Variants in NKAIN2 observed in about 807,000 individuals in gnomAD.
The protein encoded by NKAIN2 is sodium/potassium-transporting ATPase subunit beta-1-interacting protein 2.
NKAIN2 carries 14 observed loss-of-function variants against 32.6 expected under a neutral mutation model. The observed-to-expected ratio is 0.43, with a 90% CI of 0.28 to 0.67. The LOEUF (loss-of-function observed/expected upper bound fraction) is 0.67. NKAIN2 is among the 30% of genes least tolerant of loss of function. NKAIN2 has a pLI of 0.17. For synonymous variants in NKAIN2, 80 were observed against 87.2 expected (o/e 0.92, Z 0.46); for missense variants, 198 against 258.3 (o/e 0.77, Z 1.60).
In NKAIN2 at chr6:124,357,848, C is replaced by G. The variant is rs1019360654; in HGVS notation, c.273+2501C>G. On this transcript the variant is annotated intron_variant, in intron 3 of 6. Coordinates refer to ENST00000368417, the MANE Select transcript of NKAIN2 (RefSeq NM_001040214.3). Reference sequence around the variant, plus strand: ...CGTGCAGGTTTGTTACATATGTATACATGTGCCATGTTGGTGTGCTGCACC... The same window carrying G: ...CGTGCAGGTTTGTTACATATGTATAGATGTGCCATGTTGGTGTGCTGCACC... Among the ~76,000 whole-genome samples the G allele has an allele frequency of 3.9e-5, 6 of 152,112 alleles. No homozygotes were observed. The South Asian group carries it at 1.2e-3, about 32-fold the overall frequency.
intron 3 of NKAIN2, among the ~76,000 whole-genome samples, chr6:124,373,159 A>G (rs991477353): frequency 2.0e-5 from 3 of 152,158 alleles, no homozygotes; most frequent in Admixed American, 1.3e-4. Flanking sequence ...CTAATGTCAT[A>G]TAAGATTACA....
At chr6:124,709,375 C>T (rs201518894) in intron 4 of NKAIN2, among the ~76,000 whole-genome samples, 1 of 150,860 alleles carries the variant, frequency 6.6e-6, no homozygotes, top group Non-Finnish European at 1.5e-5. Flanking sequence ...GGGAGGATTT[C>T]CTCTTTTTCT....
chr6:124,117,241 C>G (rs1785659707), intron 1 of NKAIN2, among the ~76,000 whole-genome samples: 1 of 152,118 alleles, frequency 6.6e-6, no homozygotes, highest in Non-Finnish European at 1.5e-5. Flanking sequence ...ATTGTATTTG[C>G]ATGCCATAGG....
intron 4 of NKAIN2, among the ~76,000 whole-genome samples, chr6:124,718,474 C>T (rs1486766166): frequency 2.0e-5 from 3 of 152,178 alleles, no homozygotes; most frequent in Admixed American, 2.0e-4. Flanking sequence ...CTTATCTGTT[C>T]ACCAGTTGAT....
chr6:124,197,218 A>C (rs1385195549), intron 1 of NKAIN2, among the ~76,000 whole-genome samples: 7 of 151,720 alleles, frequency 4.6e-5, no homozygotes, highest in Non-Finnish European at 1.0e-4. Context: ...TAAATTCATA[A>C]GTGTTTTGTC....
At chr6:124,216,833 T>A (rs1029845244) in intron 1 of NKAIN2, among the ~76,000 whole-genome samples, 2 of 152,198 alleles carry the variant, frequency 1.3e-5, no homozygotes, top group Non-Finnish European at 2.9e-5. Flanking sequence ...CACAGAAACC[T>A]AACCCTATAT....
At chr6:124,365,878 T>A (rs141421306) in intron 3 of NKAIN2, among the ~76,000 whole-genome samples, 1 of 152,112 alleles carries the variant, frequency 6.6e-6, no homozygotes, top group East Asian at 1.9e-4. Context: ...AATATACTTC[T>A]AAACCTATGG....
At chr6:124,463,743 C>T (rs941393260) in intron 3 of NKAIN2, among the ~76,000 whole-genome samples, 2 of 152,180 alleles carry the variant, frequency 1.3e-5, no homozygotes, top group East Asian at 1.9e-4. Context: ...CATGCCTGTA[C>T]AGGGCTATTA....
chr6:123,895,996 C>G (rs1774261022), intron 1 of NKAIN2, among the ~76,000 whole-genome samples: 1 of 152,194 alleles, frequency 6.6e-6, no homozygotes. Context: ...TTAGGCAAGT[C>G]AACTGTGTGT....
chr6:124,443,350 A>C (rs886726267), intron 3 of NKAIN2, among the ~76,000 whole-genome samples: 2 of 152,118 alleles, frequency 1.3e-5, no homozygotes, highest in Admixed American at 6.6e-5. Flanking sequence ...AGTTCCCTTC[A>C]GACTATATTT....
chr6:124,475,005 CTCA>C (rs1777143329), intron 3 of NKAIN2, among the ~76,000 whole-genome samples: 1 of 150,172 alleles, frequency 6.7e-6, no homozygotes, highest in African/African-American at 2.4e-5. Context: ...ATATAATTTT[CTCA>C]TGAGTAGATC....
In NKAIN2 at chr6:124,658,376, T is replaced by A; in HGVS notation, c.464T>A (p.Ile155Asn). 1 of 1,614,142 alleles carries A rather than the reference T, an allele frequency of 6.2e-7. No individual in the cohort carries two copies. The highest frequency in any genetic ancestry group is 8.5e-7 in the Non-Finnish European group (1 of 1,180,022). Residue 155 changes from isoleucine (I) to asparagine (N), a missense_variant, in exon 4 of 7, where the codon ATT becomes AAT. Ile to Asn is a moderately radical substitution (Grantham distance 149). Transcript: ENST00000368417. The part of the protein sequence containing the change: ...YIEVAHSSLQ[I>N]VLALAGFIYA... ...GAAGTGGCTCATAGTTCCCTCCAGATTGTCCTCGCAGTAAGTGTTGGCAGC... is the reference window on the plus strand; with the variant it reads ...GAAGTGGCTCATAGTTCCCTCCAGAATGTCCTCGCAGTAAGTGTTGGCAGC...
chr6:124,519,066 A>G (rs1288621123), intron 3 of NKAIN2, among the ~76,000 whole-genome samples: 1 of 152,188 alleles, frequency 6.6e-6, no homozygotes, highest in Non-Finnish European at 1.5e-5. Context: ...TAATTGGCTG[A>G]CAGTCAAGTT....
At chr6:124,766,036 C>T (rs1778499959) in intron 4 of NKAIN2, among the ~76,000 whole-genome samples, 1 of 152,210 alleles carries the variant, frequency 6.6e-6, no homozygotes, top group South Asian at 2.1e-4. Flanking sequence ...GCATTCTACA[C>T]TTCTCCTTGG....
intron 3 of NKAIN2, among the ~76,000 whole-genome samples, chr6:124,365,553 A>T (rs1799483403): frequency 6.6e-6 from 1 of 151,946 alleles, no homozygotes; most frequent in Non-Finnish European, 1.5e-5. Context: ...AAATTAATAG[A>T]ATTAAAAGGA....
At chr6:123,850,029 A>G (rs1206327713) in intron 1 of NKAIN2, among the ~76,000 whole-genome samples, 1 of 141,828 alleles carries the variant, frequency 7.1e-6, no homozygotes, top group Non-Finnish European at 1.5e-5. Context: ...GCTGGTCTCC[A>G]ACTCCTGGGC....
intron 2 of NKAIN2, among the ~76,000 whole-genome samples, chr6:124,320,923 G>C (rs1797152791): frequency 6.6e-6 from 1 of 152,136 alleles, no homozygotes; most frequent in African/African-American, 2.4e-5. Flanking sequence ...GGAAGCTTCA[G>C]CTAGGAATTA....
At chr6:123,896,488 A>G (rs978459394) in intron 1 of NKAIN2, among the ~76,000 whole-genome samples, 27 of 152,202 alleles carry the variant, frequency 1.8e-4, no homozygotes, top group Admixed American at 3.9e-4. Context: ...ACTCAAACTC[A>G]AAATATTCAC....
At chr6:124,474,951 C>CAT (rs199750380) in intron 3 of NKAIN2, among the ~76,000 whole-genome samples, 14 of 139,374 alleles carry the variant, frequency 1.0e-4, no homozygotes, top group East Asian at 4.3e-4. Flanking sequence ...ATCATATATA[C>CAT]ATATATATAT....
Sources: allele counts gnomAD v4.1 joint callset (sites outside exome capture counted in the v4.1 genomes callset), GRCh38; gene constraint gnomAD v4.1.1; transcripts MANE v1.5; gene names NCBI Gene and HGNC (gene_info 2026-07-23, HGNC 2026-07-21).